The following GPC6 variants were observed in gnomAD, a reference collection of about 807,000 sequenced individuals.
The protein encoded by GPC6 is glypican 6, also known as glypican-6.
A neutral mutation model predicts 55.2 loss-of-function variants in GPC6; 14 were observed. That is an observed-to-expected ratio of 0.25 (90% confidence interval 0.17 to 0.40). The LOEUF is 0.40. Among genes scored for constraint, GPC6 ranks in the 10% least tolerant of loss-of-function variants. The pLI is 1.00. For synonymous variants in GPC6, 278 were observed against 259.6 expected, an observed-to-expected ratio of 1.07 and a Z score of -0.68; for missense variants, 641 against 708.5, an observed-to-expected ratio of 0.90 and a Z score of 1.08.
intron 1 of GPC6, among the ~76,000 whole-genome samples, chr13:93,528,897 G>T (rs1348966569): frequency 1.3e-5 from 2 of 152,028 alleles, no homozygotes; most frequent in African/African-American, 2.4e-5. Context: ...GAAAAAGAAA[G>T]CATGCATAAA....
chr13:93,499,128 T>G (rs61418320), intron 1 of GPC6, among the ~76,000 whole-genome samples: 2 of 135,874 alleles, frequency 1.5e-5, no homozygotes. Context: ...CAGAAACACA[T>G]ACACACATGT....
At chr13:94,397,090 A>C (rs1181389485) in intron 7 of GPC6, among the ~76,000 whole-genome samples, 1 of 152,160 alleles carries the variant, frequency 6.6e-6, no homozygotes, top group Non-Finnish European at 1.5e-5. Context: ...TTTAAAGAGA[A>C]GGGTGATATG....
At chr13:94,135,278 A>G (rs1887146199) in intron 4 of GPC6, among the ~76,000 whole-genome samples, 1 of 151,722 alleles carries the variant, frequency 6.6e-6, no homozygotes, top group African/African-American at 2.4e-5. Flanking sequence ...AAGTTAAGGC[A>G]GACTGAATTA....
rs1379172827 is a variant in GPC6, at chr13:93,359,502, G to A, written c.160+131886G>A. On this transcript the variant is annotated intron_variant, in intron 1 of 8. Transcript: ENST00000377047. Reference sequence around the variant, plus strand: ...TACTTAGAAAAATAAAATTATATATGTATATGTGTTTATAATAAATATACA... The same window carrying A: ...TACTTAGAAAAATAAAATTATATATATATATGTGTTTATAATAAATATACA... Among the ~76,000 whole-genome samples the A allele has an allele frequency of 4.6e-5, 7 of 152,048 alleles. No individual in the cohort carries two copies. The South Asian group carries it at 1.5e-3, about 32-fold the overall frequency.
chr13:93,880,248 A>G (rs1166831911), intron 3 of GPC6, among the ~76,000 whole-genome samples: 1 of 151,642 alleles, frequency 6.6e-6, no homozygotes, highest in Non-Finnish European at 1.5e-5. Flanking sequence ...TCATGCTGCT[A>G]TAAAGACACA....
At chr13:94,376,677 T>C (rs1445991282) in intron 6 of GPC6, among the ~76,000 whole-genome samples, 1 of 152,130 alleles carries the variant, frequency 6.6e-6, no homozygotes, top group Admixed American at 6.5e-5. Flanking sequence ...AATGACTTCC[T>C]TCACAGAATT....
Position 94,212,416 on chromosome 13 carries a change from T to TGG in GPC6, c.878-73932_878-73931insGG, listed in dbSNP as rs1890106699. 2.6e-5 allele frequency among the ~76,000 whole-genome samples: 4 copies of TGG among 152,210 alleles called. No homozygotes were observed. In the South Asian group the frequency reaches 8.3e-4, roughly 31 times the overall value. ...GCTCATTAGTTTCCAGGGTAACATC[T>TGG]GTATTACATACCACATACAAATATT... is the stretch of plus-strand genomic sequence containing the variant. On this transcript the variant is annotated intron_variant, in intron 4 of 8. Coordinates refer to ENST00000377047, the MANE Select transcript of GPC6 (RefSeq NM_005708.5).
rs773814407 is a variant in GPC6 at position 94,398,527 on chromosome 13, G to C, written c.1351G>C (p.Val451Leu). 6.2e-7 allele frequency: 1 copy of C among 1,613,352 alleles called. No homozygotes were observed. The highest frequency in any genetic ancestry group is 1.7e-5 in the Admixed American group (1 of 60,026). Reference protein sequence around the residue: ...TNQINNPEVDVDITRPDTFIR... With the variant: ...TNQINNPEVDLDITRPDTFIR... ...CCAGATCAACAATCCCGAGGTGGATGTGGACATCACTCGGCCTGACACTTT... is the reference window on the plus strand; with the variant it reads ...CCAGATCAACAATCCCGAGGTGGATCTGGACATCACTCGGCCTGACACTTT... The change falls in exon 8 of 9, where the codon GTG becomes CTG. Residue 451 changes from valine (V) to leucine (L), a missense_variant. Coordinates refer to ENST00000377047, the MANE Select transcript of GPC6 (RefSeq NM_005708.5).
chr13:94,353,616 T>G (rs1453275815), intron 6 of GPC6, among the ~76,000 whole-genome samples: 1 of 152,154 alleles, frequency 6.6e-6, no homozygotes, highest in Admixed American at 6.5e-5. Context: ...CCTCTTTAAA[T>G]GGCACCATTT....
intron 2 of GPC6, among the ~76,000 whole-genome samples, chr13:93,554,355 A>G (rs574255641): frequency 1.6e-4 from 25 of 152,196 alleles, no homozygotes; most frequent in Non-Finnish European, 3.1e-4. Flanking sequence ...ATTCCAGGCT[A>G]CTTAGCTTAT....
intron 4 of GPC6, among the ~76,000 whole-genome samples, chr13:94,237,619 C>T (rs1470013290): frequency 1.3e-5 from 2 of 152,068 alleles, no homozygotes; most frequent in Non-Finnish European, 2.9e-5. Context: ...CACAGAGGAA[C>T]CATATGGTGC....
At chr13:93,789,509 CTATATATATATA>C (rs201331720) in intron 2 of GPC6, among the ~76,000 whole-genome samples, 1 of 93,482 alleles carries the variant, frequency 1.1e-5, no homozygotes, top group South Asian at 3.3e-4. Context: ...CTCTCTCTCT[CTATATATATATA>C]TATATATATA....
chr13:94,382,911 C>CT (rs1880232298), intron 7 of GPC6, among the ~76,000 whole-genome samples: 1 of 151,964 alleles, frequency 6.6e-6, no homozygotes, highest in Non-Finnish European at 1.5e-5. Flanking sequence ...TTCCAGGGCT[C>CT]TTTTTTTCAT....
chr13:94,221,664 C>G, intron 4 of GPC6, among the ~76,000 whole-genome samples: 1 of 152,206 alleles, frequency 6.6e-6, no homozygotes, highest in Non-Finnish European at 1.5e-5. Flanking sequence ...TGACTTGGAA[C>G]TCCTTTTTGC....
At chr13:93,895,220 GTA>G (rs1459071359) in intron 3 of GPC6, among the ~76,000 whole-genome samples, 3 of 59,646 alleles carry the variant, frequency 5.0e-5, no homozygotes, top group Non-Finnish European at 3.2e-5. Context: ...GTGTGTGTAT[GTA>G]TGTGTGTGTG....
At chr13:94,003,096 C>T (rs1330116949) in intron 3 of GPC6, among the ~76,000 whole-genome samples, 1 of 152,150 alleles carries the variant, frequency 6.6e-6, no homozygotes, top group Non-Finnish European at 1.5e-5. Context: ...GCACAGCTAA[C>T]TAAGCCACAT....
chr13:93,895,234 G>GTGTGTGTGTGTGTATATATA (rs1196315147), intron 3 of GPC6, among the ~76,000 whole-genome samples: 1 of 108,208 alleles, frequency 9.2e-6, no homozygotes, highest in African/African-American at 3.7e-5. Context: ...GTGTGTGTGT[G>GTGTGTGTGTGTGTATATATA]TATATATATA....
chr13:94,314,639 T>C (rs1876426081), intron 6 of GPC6, among the ~76,000 whole-genome samples: 1 of 152,236 alleles, frequency 6.6e-6, no homozygotes, highest in Non-Finnish European at 1.5e-5. Flanking sequence ...ATTAAATTAT[T>C]GAATAGATTA....
intron 4 of GPC6, among the ~76,000 whole-genome samples, chr13:94,219,909 A>T (rs560381400): frequency 9.3e-4 from 141 of 152,250 alleles, no homozygotes; most frequent in Non-Finnish European, 1.7e-3. Flanking sequence ...ATGATGTCCC[A>T]GTCTTATTGG....
Sources: gnomAD v4.1 joint callset for allele counts (sites outside exome capture counted in the v4.1 genomes callset) on GRCh38, gnomAD v4.1.1 for gene constraint, MANE v1.5 for transcripts, NCBI Gene and HGNC (gene_info 2026-07-23, HGNC 2026-07-21) for gene names.